The following LRP1B variants were observed in gnomAD, a reference collection of about 807,000 sequenced individuals.
LRP1B encodes the protein LDL receptor related protein 1B.
In LRP1B, 217 loss-of-function variants were observed where a neutral mutation model predicts 556.6. The ratio of observed to expected loss-of-function variants is 0.39; its 90% CI spans 0.35 to 0.44. LRP1B has a LOEUF of 0.44. LRP1B is among the 20% of genes least tolerant of loss of function. LRP1B has a pLI of 1.00. For missense variants in LRP1B, 5,053 were observed against 5,620.8 expected (o/e 0.90, Z 3.23); for synonymous variants, 2,047 against 1,865.8 (o/e 1.10, Z -2.50).
At chr2:140,520,312 G>A (rs1690105963) in intron 49 of LRP1B, among the ~76,000 whole-genome samples, 1 of 152,108 alleles carries the variant, frequency 6.6e-6, no homozygotes. Context: ...GTAAGGACAT[G>A]GATGAAGCTG....
intron 1 of LRP1B, among the ~76,000 whole-genome samples, chr2:142,010,887 T>C (rs1330181531): frequency 6.6e-6 from 1 of 152,158 alleles, no homozygotes; most frequent in Non-Finnish European, 1.5e-5. Flanking sequence ...GGGATACACA[T>C]TAATCACCAG....
At chr2:141,737,439 AGCT>A (rs1176141996) in intron 2 of LRP1B, among the ~76,000 whole-genome samples, 5 of 152,204 alleles carry the variant, frequency 3.3e-5, no homozygotes, top group Non-Finnish European at 5.9e-5. Context: ...TAGCATACAG[AGCT>A]TCTTAAACAA....
Position 141,015,788 on chromosome 2 carries a change from A to G in LRP1B, c.2098T>C (p.Leu700=). 6.2e-7 allele frequency: 1 copy of G among 1,613,544 alleles called. No individual in the cohort carries two copies. The highest frequency in any genetic ancestry group is 8.5e-7 in the Non-Finnish European group (1 of 1,179,724). ...VTSKMLWPNG[L]TLDFHTNTLY... is the part of the protein sequence containing the mutation. The stretch of plus-strand genomic sequence containing the variant: ...GTGTTGGTGTGAAAGTCCAGAGTTA[A>G]ACCGTTTGGCCACAGCATCTTTGAA... The change falls in exon 13 of 91, where the codon TTA becomes CTA. Residue 700 remains leucine (L), a synonymous_variant. Transcript: ENST00000389484.
At chr2:140,842,175 C>A (rs972522555) in intron 29 of LRP1B, among the ~76,000 whole-genome samples, 5 of 152,242 alleles carry the variant, frequency 3.3e-5, no homozygotes, top group East Asian at 1.9e-4. Flanking sequence ...CCTTTTTATT[C>A]TTTTCAAAAG....
At chr2:141,490,893 T>C (rs1683303983) in intron 2 of LRP1B, among the ~76,000 whole-genome samples, 1 of 151,494 alleles carries the variant, frequency 6.6e-6, no homozygotes, top group African/African-American at 2.4e-5. Context: ...TATTTTCTCC[T>C]TCGTCCCCCT....
intron 62 of LRP1B, among the ~76,000 whole-genome samples, chr2:140,451,561 C>T (rs1201990965): frequency 3.3e-5 from 5 of 152,154 alleles, no homozygotes; most frequent in Admixed American, 3.3e-4. Flanking sequence ...CTCTGTCATG[C>T]TGTGATTCCA....
At chr2:141,821,833 G>A (rs1241875397) in intron 1 of LRP1B, among the ~76,000 whole-genome samples, 1 of 151,938 alleles carries the variant, frequency 6.6e-6, no homozygotes, top group Non-Finnish European at 1.5e-5. Context: ...AGACAAAATT[G>A]AAAACTTGAA....
chr2:140,569,886 G>A (rs1681259708), intron 43 of LRP1B, among the ~76,000 whole-genome samples: 2 of 151,688 alleles, frequency 1.3e-5, no homozygotes, highest in South Asian at 4.1e-4. Context: ...AATTAAAAGA[G>A]AAACTCTTGA....
intron 41 of LRP1B, among the ~76,000 whole-genome samples, chr2:140,621,060 G>A (rs955210564): frequency 6.6e-5 from 10 of 151,898 alleles, no homozygotes; most frequent in Non-Finnish European, 1.5e-4. Flanking sequence ...TAAAGTAACA[G>A]TTTTTTTAAC....
At chr2:140,402,413 C>T (rs1684545246) in intron 66 of LRP1B, among the ~76,000 whole-genome samples, 1 of 152,180 alleles carries the variant, frequency 6.6e-6, no homozygotes, top group Admixed American at 6.5e-5. Context: ...GGGCTTCTTC[C>T]ATGAGAGCTT....
chr2:140,387,006 A>G (rs922754057), intron 66 of LRP1B, among the ~76,000 whole-genome samples: 13 of 152,318 alleles, frequency 8.5e-5, no homozygotes, highest in South Asian at 2.1e-4. Context: ...CCTTTTGTCT[A>G]TGAAGCACAC....
intron 2 of LRP1B, among the ~76,000 whole-genome samples, chr2:141,671,691 G>A (rs926308762): frequency 2.6e-5 from 4 of 151,966 alleles, no homozygotes; most frequent in African/African-American, 7.3e-5. Context: ...CAGAGTAGGT[G>A]GAAGCAAAGA....
chr2:141,179,117 AAAT>A (rs1484778979), intron 7 of LRP1B, among the ~76,000 whole-genome samples: 1 of 152,038 alleles, frequency 6.6e-6, no homozygotes, highest in South Asian at 2.1e-4. Flanking sequence ...TTATCAAATT[AAAT>A]AATACAATAA....
At chr2:141,923,437 T>G (rs1700245702) in intron 1 of LRP1B, among the ~76,000 whole-genome samples, 1 of 27,134 alleles carries the variant, frequency 3.7e-5, no homozygotes, top group Non-Finnish European at 7.9e-5. Flanking sequence ...ACAAAGAGAT[T>G]ATATATATAT....
intron 11 of LRP1B, among the ~76,000 whole-genome samples, chr2:141,034,456 T>C (rs533294045): frequency 5.9e-5 from 9 of 151,912 alleles, no homozygotes; most frequent in South Asian, 2.1e-4. Flanking sequence ...TCACAACCTA[T>C]TCATCTGACA....
intron 3 of LRP1B, among the ~76,000 whole-genome samples, chr2:141,358,833 G>C (rs1688718952): frequency 6.6e-6 from 1 of 151,922 alleles, no homozygotes; most frequent in Non-Finnish European, 1.5e-5. Flanking sequence ...CGCATAAATG[G>C]ATACATATAA....
In LRP1B at chr2:140,850,184, A is replaced by G. The variant is rs574465073; in HGVS notation, c.4857T>C (p.Arg1619=). 4 of 1,613,844 alleles carry G rather than the reference A, an allele frequency of 2.5e-6. No homozygotes were observed. In the East Asian group the frequency reaches 8.9e-5, roughly 36 times the overall value. ...GTGTTTTAATATCTGTCCAGTATAA[A>G]CGTTCCTCAGATGCATCGAAGTCTA... ...TVIDFDASEE[R]LYWTDIKTQT... The change falls in exon 29 of 91, where the codon CGT becomes CGC. Residue 1619 remains arginine (R), a synonymous_variant. Transcript: ENST00000389484.
At position 141,759,007 on chromosome 2, in the gene LRP1B, T is replaced by C. The variant is rs897736719; in HGVS notation, c.205+51272A>G. Among the ~76,000 whole-genome samples, 11 of 152,076 alleles carry C rather than the reference T, an allele frequency of 7.2e-5. 1 individual carries two copies. The South Asian group carries it at 1.5e-3, about 20-fold the overall frequency. On this transcript the variant is annotated intron_variant, in intron 2 of 90. Coordinates refer to ENST00000389484, the MANE Select transcript of LRP1B (RefSeq NM_018557.3). ...AGCCAAATCATGATTTTTAAACACGTTGATAAAAATAAAAGGAGAAGGCTT... is the reference window on the plus strand; with the variant it reads ...AGCCAAATCATGATTTTTAAACACGCTGATAAAAATAAAAGGAGAAGGCTT...
rs548432187 is a variant in LRP1B at position 140,636,261 on chromosome 2, A to G, written c.6800-34622T>C. 2.1e-3 allele frequency among the ~76,000 whole-genome samples: 321 copies of G among 152,246 alleles called. 1 individual carries two copies. The highest frequency in any genetic ancestry group is 3.4e-3 in the Middle Eastern group (1 of 294). On this transcript the variant is annotated intron_variant, in intron 41 of 90. Transcript: ENST00000389484. Reference sequence around the variant, plus strand: ...GCTTCTTGAACCCTTAGCATGGAAGACTCAATACCCGTGGTAGATTATGTA... The same window carrying G: ...GCTTCTTGAACCCTTAGCATGGAAGGCTCAATACCCGTGGTAGATTATGTA...
Sources: gnomAD v4.1 joint callset for allele counts (sites outside exome capture counted in the v4.1 genomes callset) on GRCh38, gnomAD v4.1.1 for gene constraint, MANE v1.5 for transcripts, NCBI Gene and HGNC (gene_info 2026-07-23, HGNC 2026-07-21) for gene names.